PAG1: variants seen among roughly 807,000 people sequenced by gnomAD.
PAG1 encodes the protein phosphoprotein membrane anchor with glycosphingolipid microdomains 1, also known as phosphoprotein associated with glycosphingolipid-enriched microdomains 1.
PAG1 carries 23 observed loss-of-function variants against 31.7 expected under a neutral mutation model. The observed-to-expected ratio is 0.73, with a 90% confidence interval of 0.52 to 1.03. The LOEUF (loss-of-function observed/expected upper bound fraction) is 1.03. PAG1 is among the 50% of genes least tolerant of loss of function. The probability of loss-of-function intolerance (pLI) is 0.00; values close to 1 mark genes in which losing one functional copy is unlikely to be tolerated. For synonymous variants in PAG1, 214 were observed against 210.3 expected (o/e 1.02, Z -0.15); for missense variants, 473 against 540.7 (o/e 0.87, Z 1.24).
At chr8:81,110,289 T>C (rs2131152373) in intron 1 of PAG1, among the ~76,000 whole-genome samples, 1 of 152,328 alleles carries the variant, frequency 6.6e-6, no homozygotes, top group South Asian at 2.1e-4. Flanking sequence ...TTTGTTAAAC[T>C]AATGACATCT....
chr8:80,988,423 T>C (rs1214448173), intron 5 of PAG1, among the ~76,000 whole-genome samples: 1 of 152,210 alleles, frequency 6.6e-6, no homozygotes, highest in Non-Finnish European at 1.5e-5. Context: ...ACAGAAACAA[T>C]AATATGCTGA....
At chr8:81,108,396 G>C (rs950391356) in intron 1 of PAG1, among the ~76,000 whole-genome samples, 15 of 152,174 alleles carry the variant, frequency 9.9e-5, no homozygotes, top group Admixed American at 6.5e-4. Context: ...GCACATGGAG[G>C]CAGCCTACAG....
chr8:81,081,903 T>C (rs1809272199), intron 1 of PAG1, among the ~76,000 whole-genome samples: 1 of 152,230 alleles, frequency 6.6e-6, no homozygotes, highest in East Asian at 1.9e-4. Context: ...CAGGTTTTTG[T>C]GAGAATGTGA....
At chr8:80,983,742 A>G (rs554386784) in intron 7 of PAG1, among the ~76,000 whole-genome samples, 1 of 152,332 alleles carries the variant, frequency 6.6e-6, no homozygotes, top group South Asian at 2.1e-4. Flanking sequence ...TGTCTGGTTT[A>G]GGCAGCATGA....
At chr8:81,081,634 C>T (rs1246277069) in intron 1 of PAG1, among the ~76,000 whole-genome samples, 5 of 152,088 alleles carry the variant, frequency 3.3e-5, no homozygotes, top group African/African-American at 1.2e-4. Flanking sequence ...TCTATTTGTA[C>T]GACTTTATCA....
chr8:81,070,794 C>T (rs139660482), intron 1 of PAG1, among the ~76,000 whole-genome samples: 2 of 152,306 alleles, frequency 1.3e-5, no homozygotes, highest in Admixed American at 1.3e-4. Flanking sequence ...AAAACTATCA[C>T]TTATAAAGAT....
At chr8:81,001,564 CAGGGCCCCCAAG>C (rs1335364725) in intron 3 of PAG1, among the ~76,000 whole-genome samples, 1 of 152,158 alleles carries the variant, frequency 6.6e-6, no homozygotes, top group East Asian at 1.9e-4. Context: ...AAGTTCCCTC[CAGGGCCCCCAAG>C]AGGCTCGCTA....
intron 2 of PAG1, among the ~76,000 whole-genome samples, chr8:81,051,905 C>T (rs1234958775): frequency 4.0e-5 from 6 of 151,824 alleles, no homozygotes; most frequent in South Asian, 2.1e-4. Context: ...CTGAGGTGGG[C>T]GGATCACGAG....
intron 1 of PAG1, among the ~76,000 whole-genome samples, chr8:81,087,499 T>C (rs982680399): frequency 3.9e-5 from 6 of 152,306 alleles, no homozygotes; most frequent in African/African-American, 1.4e-4. Flanking sequence ...ATTGTGTTAA[T>C]AACAGAACAG....
intron 2 of PAG1, among the ~76,000 whole-genome samples, chr8:81,059,844 C>T (rs1228867730): frequency 6.6e-6 from 1 of 151,974 alleles, no homozygotes; most frequent in Admixed American, 6.6e-5. Context: ...GGTGAAACCC[C>T]ATCTCTACTA....
intron 3 of PAG1, among the ~76,000 whole-genome samples, chr8:81,001,867 C>T (rs554221783): frequency 6.6e-6 from 1 of 152,172 alleles, no homozygotes; most frequent in African/African-American, 2.4e-5. Flanking sequence ...AACCTCCAGG[C>T]GTCTGGCCTG....
At chr8:81,042,468 T>A (rs1808570713) in intron 2 of PAG1, among the ~76,000 whole-genome samples, 1 of 152,326 alleles carries the variant, frequency 6.6e-6, no homozygotes, top group South Asian at 2.1e-4. Flanking sequence ...ATAAAATAAG[T>A]AGGCCATGAC....
At chr8:81,002,004 C>T (rs1807793891) in intron 3 of PAG1, among the ~76,000 whole-genome samples, 1 of 152,330 alleles carries the variant, frequency 6.6e-6, no homozygotes, top group South Asian at 2.1e-4. Flanking sequence ...CTGGTACACC[C>T]ACTGCTTACT....
rs1807099446 is a variant in PAG1, at chr8:80,972,568, T to C, written c.*3976A>G. 1.3e-5 allele frequency: 2 copies of C among 152,234 alleles called. 1 individual carries two copies. The highest frequency in any genetic ancestry group is 1.3e-4 in the Admixed American group (2 of 15,272). 9.4% of individuals were successfully genotyped at this position (152,234 alleles called of 1,614,324 possible). On this transcript the variant is annotated 3_prime_UTR_variant, in exon 9 of 9. Coordinates refer to ENST00000220597, the MANE Select transcript of PAG1 (RefSeq NM_018440.4). ...CACGTTGTCTTGGCTTCGTCCTGGC[T>C]CAAGGTTACTAGTCTCTTGCTGCTT...
intron 4 of PAG1, among the ~76,000 whole-genome samples, chr8:80,992,404 C>T (rs1443940090): frequency 1.3e-5 from 2 of 152,218 alleles, no homozygotes; most frequent in African/African-American, 2.4e-5. Flanking sequence ...GGCTGACGGT[C>T]AGCTGGTCTG....
At chr8:80,977,003 G>T in intron 8 of PAG1, 97 bp from the exon 9 acceptor site, 1 of 1,065,028 alleles carries the variant, frequency 9.4e-7, no homozygotes, top group Non-Finnish European at 1.4e-6. Context: ...CTGGGTTTCT[G>T]TGTGTGTACT....
intron 2 of PAG1, among the ~76,000 whole-genome samples, chr8:81,046,851 C>A (rs1243732658): frequency 6.6e-6 from 1 of 152,120 alleles, no homozygotes; most frequent in African/African-American, 2.4e-5. Flanking sequence ...TCCTACCCCC[C>A]AACCCTCCGG....
At chr8:80,983,201 C>T (rs1205645789) in intron 7 of PAG1, among the ~76,000 whole-genome samples, 2 of 152,168 alleles carry the variant, frequency 1.3e-5, no homozygotes, top group East Asian at 3.8e-4. Flanking sequence ...CACTGGGCAT[C>T]CCCTCTGCTT....
At chr8:81,092,218 A>AG (rs368018549) in intron 1 of PAG1, among the ~76,000 whole-genome samples, 4 of 149,830 alleles carry the variant, frequency 2.7e-5, no homozygotes, top group African/African-American at 9.8e-5. Context: ...AAAAAGGAAA[A>AG]GAAAAAAAAG....
Sources: gnomAD v4.1 joint callset for allele counts (sites outside exome capture counted in the v4.1 genomes callset) on GRCh38, gnomAD v4.1.1 for gene constraint, MANE v1.5 for transcripts, NCBI Gene and HGNC (gene_info 2026-07-23, HGNC 2026-07-21) for gene names.